The following CAND1 variants were observed in gnomAD, a reference collection of about 807,000 sequenced individuals.
The protein encoded by CAND1 is cullin-associated NEDD8-dissociated protein 1.
In CAND1, 7 loss-of-function variants were observed where a neutral mutation model predicts 108.5. That is an observed-to-expected ratio of 0.06 (90% CI 0.04 to 0.12). CAND1 has a LOEUF of 0.12. Among genes scored for constraint, CAND1 ranks in the 10% least tolerant of loss-of-function variants. The pLI, the probability that CAND1 is intolerant of heterozygous loss-of-function variation, is 1.00. For missense variants in CAND1, 941 were observed against 1,448.7 expected (o/e 0.65, Z 5.69); for synonymous variants, 534 against 512.0 (o/e 1.04, Z -0.58).
chr12:67,289,700 C>T (rs1592611410), intron 2 of CAND1, among the ~76,000 whole-genome samples: 1 of 152,306 alleles, frequency 6.6e-6, no homozygotes, highest in African/African-American at 2.4e-5. Flanking sequence ...TCTTTAAATT[C>T]ATTTTTTGAG....
Position 67,298,939 on chromosome 12 carries a change from T to G in CAND1, c.855-11T>G. The G allele has an allele frequency of 6.7e-7, 1 of 1,503,510 alleles. No homozygotes were observed. 93.1% of individuals were successfully genotyped at this position (1,503,510 alleles called of 1,614,324 possible). On this transcript the variant is annotated splice_polypyrimidine_tract_variant and intron_variant, in intron 6 of 14. Coordinates refer to ENST00000545606, the MANE Select transcript of CAND1 (RefSeq NM_018448.5). ...GCAGCTCTTCAAGGCAGCTTTTGTT[T>G]TTGTCTTTAGATGTCCTAAGGAAGT...
chr12:67,298,982 C>A lies in CAND1; in HGVS notation c.887C>A (p.Thr296Asn). Reference protein sequence around the residue: ...CPKEVYPHVSTIINICLKYLT... With the variant: ...CPKEVYPHVSNIINICLKYLT... ...AAGGAAGTATATCCTCATGTTTCTACCATTATAAATATTTGTCTTAAATAT... is the reference window on the plus strand; with the variant it reads ...AAGGAAGTATATCCTCATGTTTCTAACATTATAAATATTTGTCTTAAATAT... The change falls in exon 7 of 15, where the codon ACC becomes AAC. Residue 296 changes from threonine to asparagine, a missense_variant. By Grantham distance (65) the Thr-to-Asn change is moderately conservative. Coordinates refer to ENST00000545606, the MANE Select transcript of CAND1 (RefSeq NM_018448.5). 1 of 1,537,814 alleles carries A rather than the reference C, an allele frequency of 6.5e-7. No individual in the cohort carries two copies. The highest frequency in any genetic ancestry group is 9.0e-7 in the Non-Finnish European group (1 of 1,112,918).
chr12:67,296,963 A>G (rs919931462), intron 4 of CAND1, among the ~76,000 whole-genome samples: 1 of 151,226 alleles, frequency 6.6e-6, no homozygotes, highest in African/African-American at 2.4e-5. Context: ...ACACGCAGCT[A>G]ATTTTTGTGT....
At chr12:67,289,232 G>T (rs1007296395) in intron 2 of CAND1, among the ~76,000 whole-genome samples, 10 of 149,994 alleles carry the variant, frequency 6.7e-5, no homozygotes, top group African/African-American at 2.0e-4. Flanking sequence ...TATTTTATTT[G>T]TTTGAGATGG....
intron 11 of CAND1, among the ~76,000 whole-genome samples, chr12:67,309,696 A>C (rs1320153494): frequency 6.6e-6 from 1 of 151,998 alleles, no homozygotes; most frequent in Non-Finnish European, 1.5e-5. Context: ...TTGAAAATAT[A>C]TTCACCTTCA....
intron 11 of CAND1, 63 bp downstream of exon 11, chr12:67,307,555 A>AG: frequency 1.0e-6 from 1 of 957,080 alleles, no homozygotes; most frequent in Non-Finnish European, 1.6e-6. Context: ...GAAACTCTTG[A>AG]ACTTAGTAAC....
chr12:67,302,238 G>C, intron 7 of CAND1, 85 bp from the exon 8 acceptor site: 1 of 1,256,958 alleles, frequency 8.0e-7, no homozygotes. Flanking sequence ...AACTGATTTG[G>C]TTAAGAATAT....
intron 2 of CAND1, among the ~76,000 whole-genome samples, chr12:67,290,574 C>T (rs2044713430): frequency 6.6e-6 from 1 of 151,870 alleles, no homozygotes; most frequent in African/African-American, 2.4e-5. Flanking sequence ...CCTGTAAATG[C>T]TGACATTGCA....
chr12:67,313,361 G>T lies in CAND1; in HGVS notation c.*531G>T, dbSNP rs957471633. The T allele has an allele frequency of 3.9e-5, 6 of 152,550 alleles. No individual in the cohort carries two copies. The highest frequency in any genetic ancestry group is 1.4e-4 in the African/African-American group (6 of 41,424). The allele number at this position is 152,550 out of a possible 1,614,324, so 9.4% of individuals were successfully genotyped here. A position where few individuals can be genotyped will look rare whatever the true frequency, so the allele number is the denominator to read the frequency against. ...TCAGAGAGTTTGGCAATTTTTAAAA[G>T]ATAATAAGGTATCATTTTTAAGTAT... On this transcript the variant is annotated 3_prime_UTR_variant, in exon 15 of 15. Transcript: ENST00000545606.
Position 67,313,979 on chromosome 12 carries a change from G to C in CAND1, c.*1149G>C, listed in dbSNP as rs1220392385. On this transcript the variant is annotated 3_prime_UTR_variant, in exon 15 of 15. Coordinates refer to ENST00000545606, the MANE Select transcript of CAND1 (RefSeq NM_018448.5). ...TGTTCACTACTTTTCCTGATTAAGG[G>C]ATCTGTGCTGGGGAACAAAGCTTTT... is the stretch of plus-strand genomic sequence containing the variant. The C allele has an allele frequency of 6.6e-6, 1 of 152,528 alleles. No individual in the cohort carries two copies. Among genetic ancestry groups the C allele is most frequent in the Non-Finnish European group, 1.5e-5 (1 of 67,996 alleles). 9.4% of individuals were successfully genotyped at this position (152,528 alleles called of 1,614,324 possible). A position where few individuals can be genotyped will look rare whatever the true frequency, so the allele number is the denominator to read the frequency against.
intron 10 of CAND1, among the ~76,000 whole-genome samples, chr12:67,307,082 A>G (rs2044894639): frequency 1.3e-5 from 2 of 152,108 alleles, no homozygotes; most frequent in Admixed American, 6.6e-5. Context: ...GTTTTAGTAA[A>G]AAATTTGAAG....
Position 67,297,623 on chromosome 12 carries a change from A to G in CAND1, c.708A>G (p.Gln236=). ...TGTCAACAACAAGAACCTACATACA[A>G]TGTATTGCTGCTATTAGTAGGCAAG... ...DSMSTTRTYI[Q]CIAAISRQAG... The change falls in exon 5 of 15, where the codon CAA becomes CAG. Residue 236 remains glutamine (Q), a synonymous_variant. Coordinates refer to ENST00000545606, the MANE Select transcript of CAND1 (RefSeq NM_018448.5). The G allele has an allele frequency of 6.2e-7, 1 of 1,613,942 alleles. No individual in the cohort carries two copies.
At chr12:67,269,817 C>A in intron 1 of CAND1, 32 bp downstream of exon 1, 1 of 1,575,106 alleles carries the variant, frequency 6.3e-7, no homozygotes, top group Non-Finnish European at 8.7e-7. Context: ...CACCCCACCT[C>A]GGGGTTCTCG....
intron 1 of CAND1, among the ~76,000 whole-genome samples, chr12:67,275,743 G>A (rs996282548): frequency 1.2e-4 from 19 of 152,108 alleles, no homozygotes; most frequent in Admixed American, 1.3e-4. Flanking sequence ...TATTGTGAGT[G>A]CAAGGTATCT....
chr12:67,295,718 G>A (rs2044762732), intron 4 of CAND1, among the ~76,000 whole-genome samples: 1 of 152,122 alleles, frequency 6.6e-6, no homozygotes, highest in Non-Finnish European at 1.5e-5. Context: ...ACCATTATTT[G>A]TGTGTGTTTT....
At chr12:67,277,033 A>G (rs1162568220) in intron 1 of CAND1, among the ~76,000 whole-genome samples, 2 of 152,216 alleles carry the variant, frequency 1.3e-5, no homozygotes, top group East Asian at 1.9e-4. Context: ...CTGCAGGGTA[A>G]CATTAAGACT....
intron 2 of CAND1, 161 bp downstream of exon 2, chr12:67,282,214 A>G (rs1438751628): frequency 4.7e-6 from 3 of 644,430 alleles, no homozygotes; most frequent in Admixed American, 3.2e-5. Context: ...TGTATATGGT[A>G]TATATAGTGT....
rs1229838661 is a variant in CAND1, at chr12:67,318,864, A to G, written c.*6034A>G. On this transcript the variant is annotated 3_prime_UTR_variant, in exon 15 of 15. Transcript: ENST00000545606. ...GGGTTAATAATTGAGGGTATGGTCCATTCAACATGAGTGAGACAGAAACAA... is the reference window on the plus strand; with the variant it reads ...GGGTTAATAATTGAGGGTATGGTCCGTTCAACATGAGTGAGACAGAAACAA... 1.3e-5 allele frequency: 2 copies of G among 152,228 alleles called. No homozygotes were observed. Among genetic ancestry groups the G allele is most frequent in the Admixed American group, 1.3e-4 (2 of 15,280 alleles). The allele number at this position is 152,228 out of a possible 1,614,324, so 9.4% of individuals were successfully genotyped here.
intron 10 of CAND1, among the ~76,000 whole-genome samples, chr12:67,307,068 T>G (rs908497954): frequency 1.3e-5 from 2 of 152,072 alleles, no homozygotes; most frequent in Admixed American, 6.6e-5. Context: ...AGACATTGCT[T>G]TCTGTTTTAG....
Sources: gnomAD v4.1 joint callset for allele counts (sites outside exome capture counted in the v4.1 genomes callset) on GRCh38, gnomAD v4.1.1 for gene constraint, MANE v1.5 for transcripts, NCBI Gene and HGNC (gene_info 2026-07-23, HGNC 2026-07-21) for gene names.